The following NFIA variants were observed in gnomAD, a reference collection of about 807,000 sequenced individuals.
NFIA encodes nuclear factor 1 A-type.
In NFIA, 8 loss-of-function variants were observed where a neutral mutation model predicts 62.8. That is an observed-to-expected ratio of 0.13 (90% CI 0.07 to 0.23). The LOEUF (loss-of-function observed/expected upper bound fraction) is 0.23, where lower values mean the gene tolerates loss of function less well. NFIA is among the 10% of genes least tolerant of loss of function. The pLI, the probability that NFIA is intolerant of heterozygous loss-of-function variation, is 1.00. For synonymous variants in NFIA, 235 were observed against 238.1 expected, an observed-to-expected ratio of 0.99 and a Z score of 0.12; for missense variants, 410 against 642.1, an observed-to-expected ratio of 0.64 and a Z score of 3.91.
At chr1:61,119,613 T>C (rs1282103937) in intron 2 of NFIA, among the ~76,000 whole-genome samples, 1 of 152,244 alleles carries the variant, frequency 6.6e-6, no homozygotes, top group South Asian at 2.1e-4. Flanking sequence ...AAGTTTTGCA[T>C]GGACTCAGAC....
At chr1:61,449,005 C>T (rs563304797) in intron 10 of NFIA, among the ~76,000 whole-genome samples, 50 of 152,204 alleles carry the variant, frequency 3.3e-4, no homozygotes, top group Non-Finnish European at 5.0e-4. Context: ...CTGAACCAAA[C>T]GGAGGTCTTG....
chr1:61,134,470 T>A (rs1211423875), intron 2 of NFIA, among the ~76,000 whole-genome samples: 1 of 152,220 alleles, frequency 6.6e-6, no homozygotes, highest in African/African-American at 2.4e-5. Context: ...TGTTTTCTCA[T>A]GTCCATGTTA....
chr1:61,218,566 A>G (rs901791951), intron 2 of NFIA, among the ~76,000 whole-genome samples: 2 of 152,252 alleles, frequency 1.3e-5, no homozygotes, highest in Non-Finnish European at 2.9e-5. Context: ...GAAAAAGAAG[A>G]AAATAAAATC....
chr1:61,229,283 A>AT, intron 2 of NFIA, among the ~76,000 whole-genome samples: 1 of 152,198 alleles, frequency 6.6e-6, no homozygotes, highest in East Asian at 1.9e-4. Flanking sequence ...TTACTATGTC[A>AT]TTTTTCTCAA....
At position 61,402,273 on chromosome 1, in the gene NFIA, C is replaced by T. The variant is rs542961101; in HGVS notation, c.1076-1831C>T. Among the ~76,000 whole-genome samples, 19 of 152,090 alleles carry T rather than the reference C, an allele frequency of 1.2e-4. No individual in the cohort carries two copies. In the South Asian group the frequency reaches 3.1e-3, roughly 25 times the overall value. ...CAGGGTGGTCTCAATCCCCTAACCT[C>T]ATGATCCGCCTGCCTCAGCCTCCCA... On this transcript the variant is annotated intron_variant, in intron 7 of 10. Transcript: ENST00000403491.
chr1:61,253,102 G>A (rs1337032377), intron 2 of NFIA, among the ~76,000 whole-genome samples: 1 of 152,222 alleles, frequency 6.6e-6, no homozygotes, highest in Non-Finnish European at 1.5e-5. Flanking sequence ...CTGAGTATAG[G>A]CACTGGCTGG....
intron 2 of NFIA, among the ~76,000 whole-genome samples, chr1:61,218,537 C>T (rs1653795603): frequency 6.6e-6 from 1 of 152,164 alleles, no homozygotes; most frequent in Admixed American, 6.5e-5. Context: ...TCACGTAAAA[C>T]TTGTAACATA....
intron 9 of NFIA, among the ~76,000 whole-genome samples, chr1:61,414,541 G>GTTTT (rs34699827): frequency 6.8e-6 from 1 of 146,712 alleles, no homozygotes; most frequent in Non-Finnish European, 1.5e-5. Flanking sequence ...TTTTTGTTTT[G>GTTTT]TTTTTTTTTT....
intron 2 of NFIA, among the ~76,000 whole-genome samples, chr1:61,106,463 T>G (rs529064964): frequency 3.3e-5 from 5 of 151,926 alleles, no homozygotes; most frequent in South Asian, 4.1e-4. Flanking sequence ...ATTATTCACA[T>G]TAGTCAAATA....
chr1:61,323,093 C>G (rs980637932), intron 3 of NFIA, among the ~76,000 whole-genome samples: 1 of 152,174 alleles, frequency 6.6e-6, no homozygotes, highest in African/African-American at 2.4e-5. Context: ...GTGTGTAAGT[C>G]CCATGACACA....
chr1:61,413,889 G>T (rs562195052), intron 9 of NFIA, among the ~76,000 whole-genome samples: 7 of 152,110 alleles, frequency 4.6e-5, no homozygotes, highest in African/African-American at 1.7e-4. Flanking sequence ...ACCTCCCAAA[G>T]TGCTGGGATT....
chr1:61,355,503 T>A (rs1448258077), intron 5 of NFIA, among the ~76,000 whole-genome samples: 2 of 152,232 alleles, frequency 1.3e-5, no homozygotes, highest in African/African-American at 2.4e-5. Flanking sequence ...AGAGTAAAGT[T>A]GTCTCGGAAG....
intron 7 of NFIA, among the ~76,000 whole-genome samples, chr1:61,402,514 G>A (rs1190725878): frequency 6.6e-6 from 1 of 152,118 alleles, no homozygotes. Context: ...TCAGTTCTGG[G>A]GATATTGCAG....
intron 3 of NFIA, among the ~76,000 whole-genome samples, chr1:61,300,208 T>C (rs1264485604): frequency 1.3e-5 from 2 of 152,168 alleles, no homozygotes; most frequent in African/African-American, 4.8e-5. Flanking sequence ...TTTTAGGCAA[T>C]AGCAGTGATA....
intron 3 of NFIA, among the ~76,000 whole-genome samples, chr1:61,292,265 G>A (rs1203030961): frequency 6.6e-6 from 1 of 152,208 alleles, no homozygotes; most frequent in African/African-American, 2.4e-5. Context: ...TGTGCTCCCT[G>A]AGGGCAGAAA....
intron 2 of NFIA, among the ~76,000 whole-genome samples, chr1:61,108,072 A>G (rs1646634458): frequency 6.6e-6 from 1 of 151,702 alleles, no homozygotes; most frequent in South Asian, 2.1e-4. Flanking sequence ...GAGTCTTGAT[A>G]AAGCAAAATT....
Position 61,404,121 on chromosome 1 carries a change from C to T in NFIA, c.1093C>T (p.Pro365Ser). The change falls in exon 8 of 11, where the codon CCA becomes TCA. Residue 365 changes from proline (P) to serine (S), a missense_variant. This residue lies in a region of NFIA where 298 missense variants were observed against 438.1 expected (regional missense o/e 0.68). Transcript: ENST00000403491. ...TCCTGCAGCAAGTCCGCATGCAACA[C>T]CATCGACTCTTCATTTCCCGACATC... Reference protein sequence around the residue: ...TGPRASPHATPSTLHFPTSPI... With the variant: ...TGPRASPHATSSTLHFPTSPI... 3 of 1,614,160 alleles carry T rather than the reference C, an allele frequency of 1.9e-6. No homozygotes were observed. Among genetic ancestry groups the T allele is most frequent in the Non-Finnish European group, 2.5e-6 (3 of 1,180,022 alleles).
intron 3 of NFIA, among the ~76,000 whole-genome samples, chr1:61,327,733 A>G (rs774157891): frequency 4.6e-4 from 70 of 152,064 alleles, no homozygotes; most frequent in Non-Finnish European, 3.8e-4. Flanking sequence ...ATACACATAC[A>G]GTTGTCTTTT....
At chr1:61,281,294 G>A (rs1367107734) in intron 3 of NFIA, among the ~76,000 whole-genome samples, 2 of 151,938 alleles carry the variant, frequency 1.3e-5, no homozygotes, top group Non-Finnish European at 2.9e-5. Context: ...TCTCATGAGT[G>A]GTAAACTGAG....
Sources: allele counts gnomAD v4.1 joint callset (sites outside exome capture counted in the v4.1 genomes callset), GRCh38; gene constraint gnomAD v4.1.1; regional missense constraint gnomAD v4.1.1; transcripts MANE v1.5; gene names NCBI Gene and HGNC (gene_info 2026-07-23, HGNC 2026-07-21).